FLNC: variants seen among roughly 807,000 people sequenced by gnomAD.
FLNC encodes the protein filamin C, also known as filamin-C.
A neutral mutation model predicts 254.3 loss-of-function variants in FLNC; 91 were observed. The ratio of observed to expected loss-of-function variants is 0.36; its 90% CI spans 0.30 to 0.43. The LOEUF is 0.43. Among genes scored for constraint, FLNC ranks in the 20% least tolerant of loss-of-function variants. FLNC has a pLI of 1.00. For synonymous variants in FLNC, 1,430 were observed against 1,577.2 expected (o/e 0.91, Z 2.21); for missense variants, 2,853 against 3,802.6 (o/e 0.75, Z 6.57).
At chr7:128,832,071 G>GA (rs1217153435) in intron 1 of FLNC, among the ~76,000 whole-genome samples, 2 of 152,172 alleles carry the variant, frequency 1.3e-5, no homozygotes, top group African/African-American at 4.8e-5. Flanking sequence ...TGTTCCCTGA[G>GA]ATTTCTCCAG....
At chr7:128,849,932 T>C (rs1192196934) in intron 30 of FLNC, 44 bp from the exon 31 acceptor site, 2 of 1,363,742 alleles carry the variant, frequency 1.5e-6, no homozygotes, top group Non-Finnish European at 1.0e-6. Flanking sequence ...CCCCTAGGCC[T>C]GTGAGGCTGC....
intron 21 of FLNC, among the ~76,000 whole-genome samples, 188 bp downstream of exon 21, chr7:128,845,443 G>A (rs564043226): frequency 1.5e-4 from 23 of 152,328 alleles, no homozygotes; most frequent in African/African-American, 5.3e-4. Flanking sequence ...AAGACCGGGG[G>A]TGGAGATTGG....
rs956584588 is a variant in FLNC at position 128,841,062 on chromosome 7, C to T, written c.1813+92C>T. ...TGGGTGCAGTGCGCATGCTGGGGAG[C>T]GCTGGGGTGAGCAGGGAGATAGGAC... On this transcript the variant is annotated intron_variant, in intron 11 of 47. Coordinates refer to ENST00000325888, the MANE Select transcript of FLNC (RefSeq NM_001458.5). The surrounding 1 kb of genome is among the most constrained non-coding windows in gnomAD (Gnocchi z 4.3). The T allele has an allele frequency of 3.8e-5, 60 of 1,564,264 alleles. No individual in the cohort carries two copies. The highest frequency in any genetic ancestry group is 5.1e-5 in the Non-Finnish European group (58 of 1,144,602).
At chr7:128,839,727 G>A (rs1272746736) in intron 8 of FLNC, among the ~76,000 whole-genome samples, 1 of 152,234 alleles carries the variant, frequency 6.6e-6, no homozygotes, top group African/African-American at 2.4e-5. Context: ...GGATGGCCTT[G>A]GGCTGGGTAA....
chr7:128,837,901 AGT>A, intron 5 of FLNC, 84 bp from the exon 6 acceptor site: 1 of 1,400,160 alleles, frequency 7.1e-7, no homozygotes, highest in African/African-American at 1.4e-5. Context: ...ATGGGGGCTG[AGT>A]GGGGCTGGGG....
Position 128,855,316 on chromosome 7 carries a change from T to C in FLNC, c.7251+2T>C. On this transcript the variant is annotated splice_donor_variant, in intron 43 of 47. Transcript: ENST00000325888. LOFTEE classifies it high-confidence loss of function. ...CGTCTCACTGTCACCAGCCTCCAGG[T>C]TTGTGCCCAGGGTGGGGGTGGAGGG... The C allele has an allele frequency of 6.3e-7, 1 of 1,599,718 alleles. No individual in the cohort carries two copies. Among genetic ancestry groups the C allele is most frequent in the Non-Finnish European group, 8.6e-7 (1 of 1,167,756 alleles).
Position 128,841,176 on chromosome 7 carries a change from C to T in FLNC, c.1820C>T (p.Ser607Phe). The T allele has an allele frequency of 6.2e-7, 1 of 1,613,812 alleles. No homozygotes were observed. The highest frequency in any genetic ancestry group is 8.5e-7 in the Non-Finnish European group (1 of 1,179,972). Residue 607 changes from serine (S) to phenylalanine (F), a missense_variant, in exon 12 of 48, where the codon TCC becomes TTC. Around this residue, in one of 10 missense-constraint regions of FLNC, gnomAD observed 1,573 missense variants for 1,883.5 expected, o/e 0.84. Coordinates refer to ENST00000325888, the MANE Select transcript of FLNC (RefSeq NM_001458.5). The surrounding 1 kb of genome is among the most constrained non-coding windows in gnomAD (Gnocchi z 4.3). Reference sequence around the variant, plus strand: ...CTCCCCCACCTTGCCCCAGGCTTCTCCATCGAGGGGCCCTCACAAGCCAAG... The same window carrying T: ...CTCCCCCACCTTGCCCCAGGCTTCTTCATCGAGGGGCCCTCACAAGCCAAG... Reference protein sequence around the residue: ...IGTEVGTLGFSIEGPSQAKIE... With the variant: ...IGTEVGTLGFFIEGPSQAKIE...
Position 128,846,512 on chromosome 7 carries a change from C to T in FLNC, c.4127+49C>T, listed in dbSNP as rs765520429. On this transcript the variant is annotated intron_variant, in intron 23 of 47. Coordinates refer to ENST00000325888, the MANE Select transcript of FLNC (RefSeq NM_001458.5). Reference sequence around the variant, plus strand: ...AAATCTGTGACCACCCTTTCCCAGCCCCTGGCCCTCCTCGCTCATCCCTCT... The same window carrying T: ...AAATCTGTGACCACCCTTTCCCAGCTCCTGGCCCTCCTCGCTCATCCCTCT... 2.8e-5 allele frequency: 44 copies of T among 1,589,368 alleles called. No homozygotes were observed. The Admixed American group carries it at 6.8e-4, about 25-fold the overall frequency.
Position 128,849,314 on chromosome 7 carries a change from G to C in FLNC, c.4952-17G>C. On this transcript the variant is annotated splice_polypyrimidine_tract_variant and intron_variant, in intron 29 of 47. Transcript: ENST00000325888. ...TCCAGCCCACCAGCTCCCTGAGCAG[G>C]ATCTCCCGCATGGCAGGTGCCTGCC... 2 of 1,614,114 alleles carry C rather than the reference G, an allele frequency of 1.2e-6. No individual in the cohort carries two copies. The highest frequency in any genetic ancestry group is 3.3e-5 in the Admixed American group (2 of 60,028).
At position 128,857,093 on chromosome 7, in the gene FLNC, C is replaced by T. The variant is rs759958600; in HGVS notation, c.7562-25C>T. On this transcript the variant is annotated intron_variant, in intron 45 of 47. Coordinates refer to ENST00000325888, the MANE Select transcript of FLNC (RefSeq NM_001458.5). This position sits in a 1 kb window ranked among gnomAD's most constrained non-coding sequence, Gnocchi z 4.5. ...TTGGGCCACAAGCCCTTCCTGCCCTCAGCCTTGCTACCTCTGGCCCCCAGG... is the reference window on the plus strand; with the variant it reads ...TTGGGCCACAAGCCCTTCCTGCCCTTAGCCTTGCTACCTCTGGCCCCCAGG... 6.2e-7 allele frequency: 1 copy of T among 1,610,448 alleles called. No homozygotes were observed. Among genetic ancestry groups the T allele is most frequent in the South Asian group, 1.1e-5 (1 of 90,992 alleles).
Position 128,837,742 on chromosome 7 carries a change from G to T in FLNC, c.956G>T (p.Gly319Val). ...EVLVYIEDPE[G>V]HTEEAKVVPN... ...CTGGTCTACATCGAGGACCCTGAAG[G>T]CCACACCGAGGAGGTATGCAGAGGC... is the stretch of plus-strand genomic sequence containing the variant. The change falls in exon 5 of 48, where the codon GGC becomes GTC. Residue 319 changes from glycine (G) to valine (V), a missense_variant. By Grantham distance (109) the Gly-to-Val change is moderately radical. Around this residue, in one of 10 missense-constraint regions of FLNC, gnomAD observed 1,573 missense variants for 1,883.5 expected, o/e 0.84. Coordinates refer to ENST00000325888, the MANE Select transcript of FLNC (RefSeq NM_001458.5). 1 of 1,581,986 alleles carries T rather than the reference G, an allele frequency of 6.3e-7. No homozygotes were observed. Among genetic ancestry groups the T allele is most frequent in the South Asian group, 1.1e-5 (1 of 88,266 alleles).
rs775841145 is a variant in FLNC at position 128,832,362 on chromosome 7, A to G, written c.352+1373A>G. 5.2e-4 allele frequency among the ~76,000 whole-genome samples: 79 copies of G among 152,172 alleles called. 3 individuals carry two copies. Among genetic ancestry groups the G allele is most frequent in the Non-Finnish European group, 1.8e-4 (12 of 68,034 alleles). On this transcript the variant is annotated intron_variant, in intron 1 of 47. Coordinates refer to ENST00000325888, the MANE Select transcript of FLNC (RefSeq NM_001458.5). ...GGAGTGTGTAGTGAGACTGAGGGCT[A>G]CGTGATGGAGGCTGAGGGGTCAGAG...
Position 128,856,829 on chromosome 7 carries a change from G to A in FLNC, c.7469G>A (p.Ser2490Asn). Residue 2490 changes from serine (S) to asparagine (N), a missense_variant, in exon 45 of 48, where the codon AGT becomes AAT. Coordinates refer to ENST00000325888, the MANE Select transcript of FLNC (RefSeq NM_001458.5). This position sits in a 1 kb window ranked among gnomAD's most constrained non-coding sequence, Gnocchi z 5.9. ...TTCAACGGTGCCCACATCCCTGGAA[G>A]TCCCTTCAAGATCCGCGTTGGGGAG... ...VKFNGAHIPG[S>N]PFKIRVGEQS... The A allele has an allele frequency of 6.2e-7, 1 of 1,614,222 alleles. No homozygotes were observed. The highest frequency in any genetic ancestry group is 8.5e-7 in the Non-Finnish European group (1 of 1,180,032).
At chr7:128,848,206 C>T in intron 26 of FLNC, 138 bp downstream of exon 26, 5 of 1,102,504 alleles carry the variant, frequency 4.5e-6, no homozygotes, top group Non-Finnish European at 5.3e-6. Flanking sequence ...GCCACCCCAT[C>T]CCGCTCTTCC....
intron 1 of FLNC, among the ~76,000 whole-genome samples, chr7:128,831,520 AT>A (rs1330299947): frequency 6.6e-6 from 1 of 152,126 alleles, no homozygotes; most frequent in Non-Finnish European, 1.5e-5. Context: ...CTCTTCGTGC[AT>A]GTGCTCAGCA....
intron 8 of FLNC, among the ~76,000 whole-genome samples, chr7:128,839,125 C>T (rs545757363): frequency 5.4e-4 from 83 of 152,346 alleles, no homozygotes; most frequent in African/African-American, 1.9e-3. Context: ...GCCCATCGTC[C>T]ACCAGGCCGA....
intron 20 of FLNC, 111 bp downstream of exon 20, chr7:128,844,377 C>A: frequency 1.5e-6 from 2 of 1,335,170 alleles, no homozygotes; most frequent in South Asian, 1.5e-5. Flanking sequence ...TGGGCACAGC[C>A]AAGGGTGTGG....
chr7:128,841,624 G>A lies in FLNC; in HGVS notation c.2121+57G>A. ...CTACCCATGGCAGGGACCCTGGAAG[G>A]CAGGGCCAGGCCAGAGGCAGAGGCC... On this transcript the variant is annotated intron_variant, in intron 13 of 47. Coordinates refer to ENST00000325888, the MANE Select transcript of FLNC (RefSeq NM_001458.5). This position sits in a 1 kb window ranked among gnomAD's most constrained non-coding sequence, Gnocchi z 4.3. The A allele has an allele frequency of 1.5e-6, 2 of 1,358,004 alleles. No individual in the cohort carries two copies. Among genetic ancestry groups the A allele is most frequent in the Non-Finnish European group, 2.1e-6 (2 of 946,648 alleles). 84.1% of individuals were successfully genotyped at this position (1,358,004 alleles called of 1,614,324 possible). A position where few individuals can be genotyped will look rare whatever the true frequency, so the allele number is the denominator to read the frequency against.
intron 10 of FLNC, 28 bp from the exon 11 acceptor site, chr7:128,840,806 C>T: frequency 1.2e-6 from 2 of 1,613,540 alleles, no homozygotes; most frequent in South Asian, 2.2e-5. Context: ...CACTTCCTGG[C>T]ATGGACACCA....
Sources: gnomAD v4.1 joint callset for allele counts (sites outside exome capture counted in the v4.1 genomes callset) on GRCh38, gnomAD v4.1.1 for gene constraint, gnomAD v4.1.1 regional missense constraint, Gnocchi (gnomAD v3.1) non-coding constraint, MANE v1.5 for transcripts, NCBI Gene and HGNC (gene_info 2026-07-23, HGNC 2026-07-21) for gene names.